The following NLRP2 variants were observed in gnomAD, a reference collection of about 807,000 sequenced individuals.
NLRP2 encodes NACHT, LRR and PYD domains-containing protein 2.
Under a neutral mutation model 97.2 loss-of-function variants are expected in NLRP2, and 107 were observed. The ratio of observed to expected loss-of-function variants is 1.10; its 90% CI spans 0.94 to 1.29. The LOEUF is 1.29. NLRP2 is among the 50% of genes most tolerant of loss of function. The pLI is 0.00. For missense variants in NLRP2, 1,495 were observed against 1,330.3 expected, an observed-to-expected ratio of 1.12 and a Z score of -1.93; for synonymous variants, 663 against 551.5, an observed-to-expected ratio of 1.20 and a Z score of -2.83.
At chr19:54,976,547 A>G (rs904792428) in intron 3 of NLRP2, among the ~76,000 whole-genome samples, 1 of 151,964 alleles carries the variant, frequency 6.6e-6, no homozygotes, top group Non-Finnish European at 1.5e-5. Flanking sequence ...GGGTTTCACC[A>G]TGTTGGCCAG....
chr19:54,984,323 T>TGTG (rs1326190021), intron 6 of NLRP2, among the ~76,000 whole-genome samples: 8 of 102,754 alleles, frequency 7.8e-5, no homozygotes, highest in African/African-American at 2.3e-4. Flanking sequence ...GGGGGTTTTT[T>TGTG]TTTGTGTTTT....
At chr19:54,988,245 T>C (rs946580133) in intron 8 of NLRP2, among the ~76,000 whole-genome samples, 2 of 152,146 alleles carry the variant, frequency 1.3e-5, no homozygotes, top group East Asian at 3.8e-4. Context: ...AATAATGGGA[T>C]GCAGGGTGAG....
rs777161045 is a variant in NLRP2, at chr19:54,982,562, C to G, written c.864C>G (p.Asp288Glu). The change falls in exon 6 of 13, where the codon GAC (aspartate) becomes GAG (glutamate). Residue 288 changes from aspartate to glutamate, a missense_variant. Coordinates refer to ENST00000448584, the MANE Select transcript of NLRP2 (RefSeq NM_017852.5). Reference sequence around the variant, plus strand: ...CACGGAAAATCTTGTTCGTGATTGACGGCTTTGATGAGCTGGGAGCCGCAC... The same window carrying G: ...CACGGAAAATCTTGTTCGTGATTGAGGGCTTTGATGAGCTGGGAGCCGCAC... ...AQARKILFVI[D>E]GFDELGAAPG... The G allele has an allele frequency of 1.2e-5, 19 of 1,614,064 alleles. No homozygotes were observed. The highest frequency in any genetic ancestry group is 1.5e-5 in the Non-Finnish European group (18 of 1,180,046).
intron 3 of NLRP2, among the ~76,000 whole-genome samples, chr19:54,975,010 A>T (rs751330991): frequency 1.1e-4 from 16 of 149,968 alleles, no homozygotes; most frequent in Non-Finnish European, 2.1e-4. Flanking sequence ...CATGATGGCC[A>T]GGCTGGTCTT....
intron 12 of NLRP2, 91 bp downstream of exon 12, chr19:54,997,578 C>A: frequency 7.6e-7 from 1 of 1,322,802 alleles, no homozygotes; most frequent in East Asian, 2.3e-5. Context: ...GGAGACTGAT[C>A]TGGTAGCTGG....
intron 11 of NLRP2, among the ~76,000 whole-genome samples, chr19:54,995,185 C>CTCTT (rs2072738303): frequency 8.5e-6 from 1 of 118,306 alleles, no homozygotes; most frequent in Non-Finnish European, 1.8e-5. Flanking sequence ...TAGTGGGTGC[C>CTCTT]TCTTTTTTTT....
chr19:54,974,824 G>T (rs2071094346), intron 3 of NLRP2, among the ~76,000 whole-genome samples: 1 of 152,122 alleles, frequency 6.6e-6, no homozygotes. Context: ...TTTTGAGATG[G>T]AGGCTTGCTC....
chr19:54,968,213 C>T (rs1172714597), intron 1 of NLRP2, among the ~76,000 whole-genome samples: 2 of 120,516 alleles, frequency 1.7e-5, no homozygotes, highest in African/African-American at 3.2e-5. Flanking sequence ...CCACCGCACC[C>T]GGCCCTGTTG....
intron 3 of NLRP2, 132 bp from the exon 4 acceptor site, chr19:54,977,620 A>C (rs1458459430): frequency 2.3e-6 from 2 of 851,174 alleles, no homozygotes; most frequent in Non-Finnish European, 4.0e-6. Flanking sequence ...TTTTACATCC[A>C]GTACCTTATC....
At position 54,970,006 on chromosome 19, in the gene NLRP2, G is replaced by T; in HGVS notation, c.-10G>T. 6.2e-7 allele frequency: 1 copy of T among 1,613,000 alleles called. No homozygotes were observed. The highest frequency in any genetic ancestry group is 8.5e-7 in the Non-Finnish European group (1 of 1,179,968). ...CCTTGATTGTCATCACAGCTCCCAC[G>T]TGGGACAAGATGGTGTCTTCGGCGC... On this transcript the variant is annotated 5_prime_UTR_variant, in exon 2 of 13. Coordinates refer to ENST00000448584, the MANE Select transcript of NLRP2 (RefSeq NM_017852.5).
intron 4 of NLRP2, among the ~76,000 whole-genome samples, chr19:54,980,586 G>C (rs1269445208): frequency 6.6e-6 from 1 of 152,212 alleles, no homozygotes; most frequent in Non-Finnish European, 1.5e-5. Context: ...AGACCCCAGC[G>C]GGCAGGTTGT....
At chr19:54,988,519 TCAAACTC>T in intron 8 of NLRP2, among the ~76,000 whole-genome samples, 1 of 152,202 alleles carries the variant, frequency 6.6e-6, no homozygotes, top group Admixed American at 6.5e-5. Context: ...CAGGGTGGTC[TCAAACTC>T]CTGACCTCGG....
intron 10 of NLRP2, among the ~76,000 whole-genome samples, chr19:54,992,843 G>T (rs2072578356): frequency 6.6e-6 from 1 of 151,996 alleles, no homozygotes; most frequent in Non-Finnish European, 1.5e-5. Flanking sequence ...ACAGGTGTGA[G>T]CCACCGTGCC....
Position 54,997,064 on chromosome 19 carries a change from C to T in NLRP2, c.2880-253C>T, listed in dbSNP as rs372496067. 7.9e-5 allele frequency among the ~76,000 whole-genome samples: 12 copies of T among 152,252 alleles called. No homozygotes were observed. In the East Asian group the frequency reaches 1.5e-3, roughly 20 times the overall value. Reference sequence around the variant, plus strand: ...CTGGGATTACAGGTGCCTGTCACCACGCCCAGCTAACTTCTGTATATTTAG... The same window carrying T: ...CTGGGATTACAGGTGCCTGTCACCATGCCCAGCTAACTTCTGTATATTTAG... On this transcript the variant is annotated intron_variant, in intron 11 of 12. Transcript: ENST00000448584.
intron 7 of NLRP2, among the ~76,000 whole-genome samples, chr19:54,985,587 A>T (rs2146464321): frequency 6.7e-6 from 1 of 149,720 alleles, no homozygotes; most frequent in Non-Finnish European, 1.5e-5. Context: ...CTGAGGCAGG[A>T]GAATTACTTG....
rs2070465719 is a variant in NLRP2 at position 54,966,850 on chromosome 19, T to C, written c.-18+383T>C. Among the ~76,000 whole-genome samples the C allele has an allele frequency of 1.3e-4, 15 of 117,506 alleles. 1 individual carries two copies. Among genetic ancestry groups the C allele is most frequent in the African/African-American group, 3.8e-4 (12 of 31,668 alleles). 77.1% of individuals were successfully genotyped at this position (117,506 alleles called of 152,430 possible). On this transcript the variant is annotated intron_variant, in intron 1 of 12. Coordinates refer to ENST00000448584, the MANE Select transcript of NLRP2 (RefSeq NM_017852.5). ...CTTTTTTTTTTTTTTTTTTTTTTTT[T>C]TCTTCTCTTTTTTGAGGGTCTTACT...
At chr19:54,967,851 C>G (rs1390689031) in intron 1 of NLRP2, among the ~76,000 whole-genome samples, 2 of 151,784 alleles carry the variant, frequency 1.3e-5, no homozygotes, top group Non-Finnish European at 2.9e-5. Context: ...GCCATTCTCA[C>G]GCTATTCACA....
Position 54,999,822 on chromosome 19 carries a change from C to T in NLRP2, c.3051-938C>T, listed in dbSNP as rs915187903. Among the ~76,000 whole-genome samples, 7 of 152,178 alleles carry T rather than the reference C, an allele frequency of 4.6e-5. No individual in the cohort carries two copies. The South Asian group carries it at 6.2e-4, about 14-fold the overall frequency. On this transcript the variant is annotated intron_variant, in intron 12 of 12. Transcript: ENST00000448584. ...CCCGATCTCAGCTCACTGTAACCTC[C>T]GCCTCCCAGGTTCAAGTGATTCTCC...
At chr19:54,994,901 G>A (rs555170350) in intron 11 of NLRP2, among the ~76,000 whole-genome samples, 10 of 151,548 alleles carry the variant, frequency 6.6e-5, no homozygotes, top group Admixed American at 4.6e-4. Flanking sequence ...GAGCCACTGC[G>A]CCAGGCCCTA....
Sources: allele counts gnomAD v4.1 joint callset (sites outside exome capture counted in the v4.1 genomes callset), GRCh38; gene constraint gnomAD v4.1.1; transcripts MANE v1.5; gene names NCBI Gene and HGNC (gene_info 2026-07-23, HGNC 2026-07-21).